The following FKBP11 variants were observed in gnomAD, a reference collection of about 807,000 sequenced individuals.
The protein encoded by FKBP11 is FKBP prolyl isomerase 11.
In FKBP11, 21 loss-of-function variants were observed where a neutral mutation model predicts 24.7. That is an observed-to-expected ratio of 0.85 (90% CI 0.60 to 1.23). FKBP11 has a LOEUF of 1.23. Ranked by LOEUF, FKBP11 falls within the 50% of genes most tolerant of loss-of-function variation. The pLI, the probability that FKBP11 is intolerant of heterozygous loss-of-function variation, is 0.00. For missense variants in FKBP11, 245 were observed against 248.7 expected (o/e 0.99, Z 0.10); for synonymous variants, 106 against 100.6 (o/e 1.05, Z -0.32).
At chr12:48,929,765 G>A (rs1262883068), upstream of FKBP11, among the ~76,000 whole-genome samples, 1 of 152,090 alleles carries the variant, frequency 6.6e-6, no homozygotes, top group African/African-American at 2.4e-5. Context: ...TTTGTGAATT[G>A]AGCCAAATTC....
chr12:48,924,924 C>T, intron 2 of FKBP11, 122 bp downstream of exon 2: 1 of 1,437,912 alleles, frequency 7.0e-7, no homozygotes, highest in Non-Finnish European at 9.2e-7. Flanking sequence ...ACGTGCTCGA[C>T]GACCCCAGAG....
Position 48,922,052 on chromosome 12 carries a change from C to G in FKBP11, c.538G>C (p.Ala180Pro). 6.2e-7 allele frequency: 1 copy of G among 1,613,928 alleles called. No individual in the cohort carries two copies. Residue 180 changes from alanine to proline, a missense_variant, in exon 6 of 6, where the codon GCC (alanine) becomes CCC (proline). Transcript: ENST00000550765. ...GLIGYHLYRK[A>P]NRPKVSKKKL... ...TTTTTGGAGACTTTGGGTCTATTGG[C>G]CTTTCTGTATAGGTGATACCCAATG...
intron 2 of FKBP11, 100 bp from the exon 3 acceptor site, chr12:48,924,748 G>A: frequency 2.6e-6 from 4 of 1,554,382 alleles, no homozygotes; most frequent in Non-Finnish European, 3.5e-6. Flanking sequence ...AGCCCCCTTA[G>A]TGCGGCAGCC....
At chr12:48,936,678 G>A in the FKBP11 span, 1 of 152,456 alleles carries the variant, frequency 6.6e-6, no homozygotes, top group Non-Finnish European at 1.5e-5. Flanking sequence ...GGTGAGGCCT[G>A]AAGTGAGGAA....
chr12:48,925,694 G>A (rs972175986), upstream of FKBP11: 5 of 524,688 alleles, frequency 9.5e-6, no homozygotes, highest in Non-Finnish European at 1.7e-5. Flanking sequence ...ACGTGGGTCG[G>A]GCCAAACAAT....
At position 48,924,660 on chromosome 12, in the gene FKBP11, G is replaced by C. The variant is rs1313910899; in HGVS notation, c.196-12C>G. The C allele has an allele frequency of 3.1e-6, 5 of 1,610,496 alleles. No individual in the cohort carries two copies. The highest frequency in any genetic ancestry group is 2.5e-6 in the Non-Finnish European group (3 of 1,177,030). On this transcript the variant is annotated splice_polypyrimidine_tract_variant and intron_variant, in intron 2 of 5. Transcript: ENST00000550765. ...TCTACCAAGCTTCCCTGGGGGGAGA[G>C]AGCATCAAGAGCATACATCTAGCAC...
Position 48,921,979 on chromosome 12 carries a change from A to T in FKBP11, c.*5T>A, listed in dbSNP as rs1440005605. On this transcript the variant is annotated 3_prime_UTR_variant, in exon 6 of 6. Transcript: ENST00000550765. ...GCAAATAAGTTTTTTAAAATTTATT[A>T]TTTATTATTTCTTTTTGCTCTTGTT... is the stretch of plus-strand genomic sequence containing the variant. 5 of 1,568,550 alleles carry T rather than the reference A, an allele frequency of 3.2e-6. No individual in the cohort carries two copies. The highest frequency in any genetic ancestry group is 4.3e-6 in the Non-Finnish European group (5 of 1,161,980).
At chr12:48,928,909 G>A (rs556141487), upstream of FKBP11, among the ~76,000 whole-genome samples, 8 of 135,374 alleles carry the variant, frequency 5.9e-5, no homozygotes, top group East Asian at 1.6e-3. Context: ...TGCAAGCTCC[G>A]CCTCCCGGGT....
At chr12:48,928,444 A>C (rs1257905781), upstream of FKBP11, among the ~76,000 whole-genome samples, 2 of 151,780 alleles carry the variant, frequency 1.3e-5, no homozygotes, top group Admixed American at 6.6e-5. Context: ...TCCTGAGTTC[A>C]AGCGAGCATA....
the FKBP11 span, chr12:48,938,287 C>G: frequency 2.4e-6 from 1 of 422,254 alleles, no homozygotes; most frequent in Non-Finnish European, 4.8e-6. Flanking sequence ...GGAGGGTAAC[C>G]AGTCAAAGAC....
chr12:48,938,931 T>C, the FKBP11 span: 1 of 1,610,620 alleles, frequency 6.2e-7, no homozygotes, highest in Non-Finnish European at 8.5e-7. Flanking sequence ...GGTGCTTTGT[T>C]AGGGCTGTCT....
At chr12:48,923,902 C>T (rs201919405) in intron 4 of FKBP11, 50 bp from the exon 5 acceptor site, 2 of 1,561,390 alleles carry the variant, frequency 1.3e-6, no homozygotes, top group East Asian at 4.5e-5. Flanking sequence ...GGTAGGCCAG[C>T]AGCCTCAGTC....
At chr12:48,938,813 C>T in the FKBP11 span, 4 of 1,177,892 alleles carry the variant, frequency 3.4e-6, no homozygotes, top group South Asian at 1.6e-5. Flanking sequence ...GGAGGCAAGG[C>T]TCTTGCTGGG....
At chr12:48,929,758 G>C (rs968307919), upstream of FKBP11, among the ~76,000 whole-genome samples, 1 of 152,122 alleles carries the variant, frequency 6.6e-6, no homozygotes, top group African/African-American at 2.4e-5. Flanking sequence ...GTAAATGTTT[G>C]TGAATTGAGC....
At chr12:48,938,875 G>A in the FKBP11 span, 1 of 1,562,138 alleles carries the variant, frequency 6.4e-7, no homozygotes, top group South Asian at 1.2e-5. Flanking sequence ...GAGAGGAAGG[G>A]GTAGGACTGG....
At chr12:48,938,803 G>A in the FKBP11 span, 1 of 1,030,734 alleles carries the variant, frequency 9.7e-7, no homozygotes, top group Non-Finnish European at 1.4e-6. Flanking sequence ...GGGAGGCAGG[G>A]GAGGCAAGGC....
upstream of FKBP11, among the ~76,000 whole-genome samples, chr12:48,927,475 C>A (rs1939993455): frequency 6.6e-6 from 1 of 152,202 alleles, no homozygotes; most frequent in Admixed American, 6.5e-5. Context: ...TACTTACAAT[C>A]TGTGCATTTC....
At chr12:48,932,247 ATATATATATATATATTTTTTTTT>A in the FKBP11 span, among the ~76,000 whole-genome samples, 5 of 36,162 alleles carry the variant, frequency 1.4e-4, no homozygotes, top group African/African-American at 3.4e-4. Context: ...ATATATATAT[ATATATATATATATATTTTTTTTT>A]TTTTTTTTTT....
chr12:48,928,433 C>T (rs1940008452), upstream of FKBP11, among the ~76,000 whole-genome samples: 1 of 151,816 alleles, frequency 6.6e-6, no homozygotes, highest in Non-Finnish European at 1.5e-5. Flanking sequence ...CAACCTCCGC[C>T]TCCTGAGTTC....
Sources: allele counts gnomAD v4.1 joint callset (sites outside exome capture counted in the v4.1 genomes callset), GRCh38; gene constraint gnomAD v4.1.1; transcripts MANE v1.5; gene names NCBI Gene and HGNC (gene_info 2026-07-23, HGNC 2026-07-21).